Variants in NRP1 observed in about 807,000 individuals in gnomAD.
The protein encoded by NRP1 is neuropilin-1.
NRP1 carries 35 observed loss-of-function variants against 106.7 expected under a neutral mutation model. The observed-to-expected ratio is 0.33, with a 90% confidence interval of 0.25 to 0.43. The LOEUF (loss-of-function observed/expected upper bound fraction) is 0.43. NRP1 is among the 20% of genes least tolerant of loss of function. The pLI, the probability that NRP1 is intolerant of heterozygous loss-of-function variation, is 1.00. For missense variants in NRP1, 1,024 were observed against 1,170.4 expected, an observed-to-expected ratio of 0.87 and a Z score of 1.83; for synonymous variants, 437 against 417.9, an observed-to-expected ratio of 1.05 and a Z score of -0.56.
chr10:33,277,851 C>T (rs1843822525), intron 2 of NRP1, among the ~76,000 whole-genome samples: 1 of 152,058 alleles, frequency 6.6e-6, no homozygotes, highest in Non-Finnish European at 1.5e-5. Context: ...ATTTTTCACA[C>T]ATATTTATTT....
rs775470113 is a variant in NRP1, at chr10:33,221,839, T to A, written c.1162A>T (p.Thr388Ser). Residue 388 changes from threonine to serine, a missense_variant, in exon 8 of 17, where the codon ACA becomes TCA. Thr to Ser is a moderately conservative substitution (Grantham distance 58). Around this residue, in one of 5 missense-constraint regions of NRP1, gnomAD observed 562 missense variants for 620.3 expected, o/e 0.91. Transcript: ENST00000374867. ...GGGAATACTGCAACCACAACATCTG[T>A]GGGGTTGGTGTTTCCCTGAAAGAGC... ...PVLFQGNTNPTDVVVAVFPKP... is the reference protein window; with the variant it reads ...PVLFQGNTNPSDVVVAVFPKP... 11 of 1,613,280 alleles carry A rather than the reference T, an allele frequency of 6.8e-6. No homozygotes were observed. Among genetic ancestry groups the A allele is most frequent in the Non-Finnish European group, 6.8e-6 (8 of 1,179,262 alleles).
At chr10:33,318,644 C>T (rs1847210755) in intron 2 of NRP1, among the ~76,000 whole-genome samples, 1 of 151,924 alleles carries the variant, frequency 6.6e-6, no homozygotes, top group Non-Finnish European at 1.5e-5. Context: ...CAATTCCAAT[C>T]AGTAGTAAAC....
intron 6 of NRP1, among the ~76,000 whole-genome samples, chr10:33,239,515 C>T (rs1486276268): frequency 6.6e-6 from 1 of 152,224 alleles, no homozygotes; most frequent in East Asian, 1.9e-4. Context: ...AGGAATGTGA[C>T]TACTCTTATC....
intron 2 of NRP1, among the ~76,000 whole-genome samples, chr10:33,316,657 A>T (rs1847059424): frequency 6.6e-6 from 1 of 152,200 alleles, no homozygotes; most frequent in Non-Finnish European, 1.5e-5. Context: ...AAGAGGTCAG[A>T]GAAGTGGGGA....
chr10:33,216,701 C>A (rs928745662), intron 8 of NRP1, among the ~76,000 whole-genome samples: 1 of 152,066 alleles, frequency 6.6e-6, no homozygotes, highest in Admixed American at 6.6e-5. Context: ...TTTGGCCTCC[C>A]AAAGTGCTGG....
intron 2 of NRP1, among the ~76,000 whole-genome samples, chr10:33,314,893 C>G (rs1304524795): frequency 2.6e-5 from 4 of 152,182 alleles, no homozygotes; most frequent in African/African-American, 7.2e-5. Context: ...TCTTCCCTGG[C>G]AAGCCTGCTG....
At chr10:33,305,497 C>G (rs530329639) in intron 2 of NRP1, among the ~76,000 whole-genome samples, 1 of 152,052 alleles carries the variant, frequency 6.6e-6, no homozygotes, top group South Asian at 2.1e-4. Context: ...AGCAATATGG[C>G]TGAAGACAAG....
intron 2 of NRP1, among the ~76,000 whole-genome samples, chr10:33,298,905 C>A (rs1482646190): frequency 6.6e-6 from 1 of 152,136 alleles, no homozygotes; most frequent in Non-Finnish European, 1.5e-5. Flanking sequence ...TCCCACTAAT[C>A]AAAATACTCT....
intron 2 of NRP1, among the ~76,000 whole-genome samples, chr10:33,293,948 T>A (rs1405781415): frequency 6.6e-6 from 1 of 152,230 alleles, no homozygotes; most frequent in African/African-American, 2.4e-5. Flanking sequence ...TTCTTCAGAA[T>A]TAACCTCAGG....
chr10:33,334,472 G>A lies in NRP1; in HGVS notation c.-90C>T. On this transcript the variant is annotated 5_prime_UTR_variant, in exon 1 of 17. Transcript: ENST00000374867. ...GAGGAGAATCTAAGCGATCCGAAGA[G>A]CCCCAACTCCGCCTAGAGCTGTACA... The A allele has an allele frequency of 8.6e-7, 1 of 1,157,770 alleles. No individual in the cohort carries two copies. Among genetic ancestry groups the A allele is most frequent in the Middle Eastern group, 1.9e-4 (1 of 5,216 alleles). The allele number at this position is 1,157,770 out of a possible 1,614,324, so 71.7% of individuals were successfully genotyped here. A position where few individuals can be genotyped will look rare whatever the true frequency, so the allele number is the denominator to read the frequency against.
At chr10:33,294,511 G>A (rs980688232) in intron 2 of NRP1, among the ~76,000 whole-genome samples, 5 of 151,834 alleles carry the variant, frequency 3.3e-5, no homozygotes, top group Admixed American at 1.3e-4. Context: ...CCAGCTACTC[G>A]GGAGGCTGAG....
intron 6 of NRP1, among the ~76,000 whole-genome samples, chr10:33,241,357 A>G (rs1028762105): frequency 2.0e-5 from 3 of 152,164 alleles, no homozygotes; most frequent in Non-Finnish European, 2.9e-5. Context: ...AAAAAAATCT[A>G]TCGATACTAA....
At chr10:33,291,935 A>C (rs549076432) in intron 2 of NRP1, among the ~76,000 whole-genome samples, 2 of 152,182 alleles carry the variant, frequency 1.3e-5, no homozygotes, top group Non-Finnish European at 2.9e-5. Context: ...GCAGGGCCTC[A>C]ATCTGTCACC....
At chr10:33,189,741 AT>A (rs1564365085) in intron 13 of NRP1, among the ~76,000 whole-genome samples, 2 of 152,170 alleles carry the variant, frequency 1.3e-5, no homozygotes, top group Admixed American at 1.3e-4. Context: ...GCTAGTGTTC[AT>A]TTTCTTTTTA....
intron 6 of NRP1, among the ~76,000 whole-genome samples, chr10:33,248,602 G>A (rs943343768): frequency 2.6e-5 from 4 of 152,154 alleles, no homozygotes; most frequent in African/African-American, 7.2e-5. Context: ...ATACATATAA[G>A]GCAAAAGGAA....
chr10:33,307,571 A>G (rs1447487653), intron 2 of NRP1, among the ~76,000 whole-genome samples: 1 of 152,234 alleles, frequency 6.6e-6, no homozygotes, highest in Non-Finnish European at 1.5e-5. Flanking sequence ...ATTATCTTCT[A>G]AAGCAAATTG....
At chr10:33,218,457 T>C (rs1838962215) in intron 8 of NRP1, among the ~76,000 whole-genome samples, 1 of 151,812 alleles carries the variant, frequency 6.6e-6, no homozygotes. Flanking sequence ...GCCATTCTCC[T>C]GCCTCAGCCT....
At chr10:33,307,914 A>G (rs1846284172) in intron 2 of NRP1, among the ~76,000 whole-genome samples, 1 of 152,178 alleles carries the variant, frequency 6.6e-6, no homozygotes, top group Non-Finnish European at 1.5e-5. Flanking sequence ...ACACATGCAC[A>G]CATATGTTCT....
At chr10:33,295,410 G>A (rs559996379) in intron 2 of NRP1, among the ~76,000 whole-genome samples, 1 of 152,288 alleles carries the variant, frequency 6.6e-6, no homozygotes, top group African/African-American at 2.4e-5. Flanking sequence ...CTTTCCATTA[G>A]AAGATTTTCT....
Sources: allele counts gnomAD v4.1 joint callset (sites outside exome capture counted in the v4.1 genomes callset), GRCh38; gene constraint gnomAD v4.1.1; regional missense constraint gnomAD v4.1.1; transcripts MANE v1.5; gene names NCBI Gene and HGNC (gene_info 2026-07-23, HGNC 2026-07-21).